The following PRNP variants were observed in gnomAD, a reference collection of about 807,000 sequenced individuals.
PRNP encodes the protein major prion protein.
In PRNP, 15 loss-of-function variants were observed where a neutral mutation model predicts 21.3. That is an observed-to-expected ratio of 0.71 (90% CI 0.47 to 1.09). The LOEUF (loss-of-function observed/expected upper bound fraction) is 1.09, where lower values mean the gene tolerates loss of function less well. Ranked by LOEUF, PRNP falls within the 50% of genes least tolerant of loss-of-function variation. PRNP has a pLI of 0.00. For missense variants in PRNP, 285 were observed against 340.9 expected (o/e 0.84, Z 1.29); for synonymous variants, 121 against 123.1 (o/e 0.98, Z 0.11).
At chr20:4,695,820 T>G (rs1002121529) in intron 1 of PRNP, among the ~76,000 whole-genome samples, 1 of 152,234 alleles carries the variant, frequency 6.6e-6, no homozygotes, top group Non-Finnish European at 1.5e-5. Flanking sequence ...CATGTAAGTC[T>G]TGGATCCATC....
At chr20:4,695,674 G>T (rs1419060206) in intron 1 of PRNP, among the ~76,000 whole-genome samples, 2 of 152,160 alleles carry the variant, frequency 1.3e-5, no homozygotes, top group Admixed American at 1.3e-4. Context: ...GGTTTTTGAG[G>T]ATGTAATCAA....
At chr20:4,694,762 A>G (rs1463211802) in intron 1 of PRNP, among the ~76,000 whole-genome samples, 4 of 152,114 alleles carry the variant, frequency 2.6e-5, no homozygotes, top group Admixed American at 1.3e-4. Context: ...TGTATTATCC[A>G]TGTTCCTCTG....
intron 1 of PRNP, among the ~76,000 whole-genome samples, chr20:4,694,306 G>A (rs1416487735): frequency 1.3e-5 from 2 of 152,068 alleles, no homozygotes; most frequent in East Asian, 3.9e-4. Flanking sequence ...TTTGAGGCGA[G>A]CCTGGGCAAC....
At chr20:4,688,966 T>A (rs998099315) in intron 1 of PRNP, among the ~76,000 whole-genome samples, 6 of 152,214 alleles carry the variant, frequency 3.9e-5, no homozygotes, top group African/African-American at 1.2e-4. Flanking sequence ...AAGGAGAGAT[T>A]GTTATATTTG....
chr20:4,693,378 C>G (rs1921955840), intron 1 of PRNP, among the ~76,000 whole-genome samples: 2 of 152,038 alleles, frequency 1.3e-5, no homozygotes, highest in African/African-American at 4.8e-5. Flanking sequence ...ACCATGTTGC[C>G]CAGGCTGGTC....
chr20:4,690,011 G>C (rs1259147821), intron 1 of PRNP, among the ~76,000 whole-genome samples: 1 of 152,156 alleles, frequency 6.6e-6, no homozygotes, highest in East Asian at 1.9e-4. Flanking sequence ...TGACTGGCTT[G>C]TGATGGGTTC....
chr20:4,688,236 A>T (rs1326447903), intron 1 of PRNP, among the ~76,000 whole-genome samples: 1 of 152,196 alleles, frequency 6.6e-6, no homozygotes, highest in Non-Finnish European at 1.5e-5. Context: ...AGTAACAGCA[A>T]CCCTTGCTGG....
chr20:4,698,066 T>C (rs1259443944), intron 1 of PRNP, among the ~76,000 whole-genome samples: 2 of 151,598 alleles, frequency 1.3e-5, no homozygotes, highest in African/African-American at 4.9e-5. Flanking sequence ...TTTCCTGGGG[T>C]GTATGAGTAG....
chr20:4,689,014 C>T (rs978808743), intron 1 of PRNP, among the ~76,000 whole-genome samples: 11 of 152,054 alleles, frequency 7.2e-5, no homozygotes, highest in African/African-American at 2.7e-4. Flanking sequence ...ACGTTGTTTC[C>T]TTTTTCAAAT....
chr20:4,690,380 T>C (rs911044633), intron 1 of PRNP, among the ~76,000 whole-genome samples: 2 of 152,186 alleles, frequency 1.3e-5, no homozygotes, highest in African/African-American at 4.8e-5. Flanking sequence ...CCTTGGACTC[T>C]TACAACCTTG....
At position 4,686,763 on chromosome 20, in the gene PRNP, T is replaced by C. The variant is rs545775760; in HGVS notation, c.-11+251T>C. 6.7e-3 allele frequency: 1,022 copies of C among 152,002 alleles called. 4 individuals are homozygous for C. The highest frequency in any genetic ancestry group is 0.014 in the Middle Eastern group (4 of 296). The allele number at this position is 152,002 out of a possible 1,614,324, so 9.4% of individuals were successfully genotyped here. A position where few individuals can be genotyped will look rare whatever the true frequency, so the allele number is the denominator to read the frequency against. On this transcript the variant is annotated intron_variant, in intron 1 of 1. Coordinates refer to ENST00000379440, the MANE Select transcript of PRNP (RefSeq NM_000311.5). This position sits in a 1 kb window ranked among gnomAD's most constrained non-coding sequence, Gnocchi z 6.7. ...TTAGGAAAGCTCCCTTTACTGCGCG[T>C]TGGGGGGCTGGGGGAGCTGGCGGAG...
In PRNP at chr20:4,697,736, G is replaced by A. The variant is rs1922256128; in HGVS notation, c.-10-1475G>A. Among the ~76,000 whole-genome samples the A allele has an allele frequency of 6.6e-6, 1 of 152,210 alleles. No individual in the cohort carries two copies. Among genetic ancestry groups the A allele is most frequent in the South Asian group, 2.1e-4 (1 of 4,832 alleles). ...TGGCATGATGTGACCCGCATATTAA[G>A]AGGAGAGCGCTCAATGGCAGCCAGG... is the stretch of plus-strand genomic sequence containing the variant. On this transcript the variant is annotated intron_variant, in intron 1 of 1. Transcript: ENST00000379440. The surrounding 1 kb of genome is among the most constrained non-coding windows in gnomAD (Gnocchi z 4.6).
chr20:4,699,131 G>A lies in PRNP; in HGVS notation c.-10-80G>A. On this transcript the variant is annotated intron_variant, in intron 1 of 1. Coordinates refer to ENST00000379440, the MANE Select transcript of PRNP (RefSeq NM_000311.5). This position sits in a 1 kb window ranked among gnomAD's most constrained non-coding sequence, Gnocchi z 5.8. ...ACTGAGCAGCTGATACCATTGCTAT[G>A]CACTCATTCATTATGCAGGAAACAT... The A allele has an allele frequency of 6.6e-7, 1 of 1,515,436 alleles. No individual in the cohort carries two copies. Among genetic ancestry groups the A allele is most frequent in the East Asian group, 2.3e-5 (1 of 44,406 alleles). The allele number at this position is 1,515,436 out of a possible 1,614,324, so 93.9% of individuals were successfully genotyped here.
In PRNP at chr20:4,686,668, G is replaced by A. The variant is rs944704814; in HGVS notation, c.-11+156G>A. On this transcript the variant is annotated intron_variant, in intron 1 of 1. Coordinates refer to ENST00000379440, the MANE Select transcript of PRNP (RefSeq NM_000311.5). This position sits in a 1 kb window ranked among gnomAD's most constrained non-coding sequence, Gnocchi z 6.7. ...GCCGGGGGCTGCCCCGCGGGCGCGTGACGCGTCTCGGGCCTGCCCGGCTGC... is the reference window on the plus strand; with the variant it reads ...GCCGGGGGCTGCCCCGCGGGCGCGTAACGCGTCTCGGGCCTGCCCGGCTGC... The A allele has an allele frequency of 1.3e-5, 2 of 152,182 alleles. No homozygotes were observed. Among genetic ancestry groups the A allele is most frequent in the Non-Finnish European group, 2.9e-5 (2 of 68,186 alleles). 9.4% of individuals were successfully genotyped at this position (152,182 alleles called of 1,614,324 possible). A position where few individuals can be genotyped will look rare whatever the true frequency, so the allele number is the denominator to read the frequency against.
chr20:4,695,496 T>A (rs1182999340), intron 1 of PRNP, among the ~76,000 whole-genome samples: 2 of 152,230 alleles, frequency 1.3e-5, no homozygotes, highest in Admixed American at 1.3e-4. Flanking sequence ...ACTTTCATTA[T>A]CCCAGCTATC....
At chr20:4,689,750 T>C (rs957374782) in intron 1 of PRNP, among the ~76,000 whole-genome samples, 4 of 152,220 alleles carry the variant, frequency 2.6e-5, no homozygotes, top group African/African-American at 7.2e-5. Flanking sequence ...AAGTGAATAG[T>C]GTGTGCAGCA....
At position 4,699,585 on chromosome 20, in the gene PRNP, TG is replaced by T; in HGVS notation, c.371del (p.Gly124AlafsTer11). On this transcript the variant is annotated frameshift_variant, in exon 2 of 2. Transcript: ENST00000379440. LOFTEE classifies it high-confidence loss of function. This position sits in a 1 kb window ranked among gnomAD's most constrained non-coding sequence, Gnocchi z 5.8. ...GGTGCTGCAGCAGCTGGGGCAGTGG[TG>T]GGGGGCCTTGGCGGCTACATGCTGG... ...MAGAAAAGAV[V>X]GGLGGYMLGS... The T allele has an allele frequency of 1.9e-6, 3 of 1,613,268 alleles. No homozygotes were observed. Among genetic ancestry groups the T allele is most frequent in the Non-Finnish European group, 2.5e-6 (3 of 1,179,750 alleles).
In PRNP at chr20:4,699,402, A is replaced by G; in HGVS notation, c.182A>G (p.His61Arg). ...GGCGGTGGTGGCTGGGGGCAGCCTC[A>G]TGGTGGTGGCTGGGGGCAGCCTCAT... ...PQGGGGWGQP[H>R]GGGWGQPHGG... The change falls in exon 2 of 2, where the codon CAT (histidine) becomes CGT (arginine). Residue 61 changes from histidine (H) to arginine (R), a missense_variant. By Grantham distance (29) the His-to-Arg change is conservative. Transcript: ENST00000379440. The surrounding 1 kb of genome is among the most constrained non-coding windows in gnomAD (Gnocchi z 5.8). The G allele has an allele frequency of 6.2e-7, 1 of 1,605,718 alleles. No individual in the cohort carries two copies. The highest frequency in any genetic ancestry group is 2.2e-5 in the East Asian group (1 of 44,554).
chr20:4,699,953 T>C lies in PRNP; in HGVS notation c.733T>C (p.Ser245Pro). 1 of 1,613,156 alleles carries C rather than the reference T, an allele frequency of 6.2e-7. No individual in the cohort carries two copies. Among genetic ancestry groups the C allele is most frequent in the Non-Finnish European group, 8.5e-7 (1 of 1,179,520 alleles). Reference protein sequence around the residue: ...FSSPPVILLISFLIFLIVG With the variant: ...FSSPPVILLIPFLIFLIVG ...CTCTCCACCTGTGATCCTCCTGATC[T>C]CTTTCCTCATCTTCCTGATAGTGGG... is the stretch of plus-strand genomic sequence containing the variant. Residue 245 changes from serine to proline, a missense_variant, in exon 2 of 2, where the codon TCT becomes CCT. Ser to Pro is a moderately conservative substitution (Grantham distance 74). Coordinates refer to ENST00000379440, the MANE Select transcript of PRNP (RefSeq NM_000311.5). The surrounding 1 kb of genome is among the most constrained non-coding windows in gnomAD (Gnocchi z 5.8).
Sources: allele counts gnomAD v4.1 joint callset (sites outside exome capture counted in the v4.1 genomes callset), GRCh38; gene constraint gnomAD v4.1.1; non-coding constraint Gnocchi (gnomAD v3.1); transcripts MANE v1.5; gene names NCBI Gene and HGNC (gene_info 2026-07-23, HGNC 2026-07-21).